The following USH2A variants were observed in gnomAD, a reference collection of about 807,000 sequenced individuals.
USH2A encodes the protein usherin, also known as Usher syndrome 2A (autosomal recessive, mild).
Under a neutral mutation model 538.9 loss-of-function variants are expected in USH2A, and 443 were observed. The ratio of observed to expected loss-of-function variants is 0.82; its 90% CI spans 0.76 to 0.89. The LOEUF (loss-of-function observed/expected upper bound fraction) is 0.89, where lower values mean the gene tolerates loss of function less well. USH2A is among the 40% of genes least tolerant of loss of function. The pLI is 0.00. For missense variants in USH2A, 6,633 were observed against 6,324.8 expected (o/e 1.05, Z -1.65); for synonymous variants, 2,413 against 2,273.5 (o/e 1.06, Z -1.75).
At chr1:216,213,592 A>G (rs1392122193) in intron 15 of USH2A, among the ~76,000 whole-genome samples, 4 of 152,094 alleles carry the variant, frequency 2.6e-5, no homozygotes, top group Non-Finnish European at 5.9e-5. Flanking sequence ...ACTAATTCAA[A>G]TTATTTCATG....
At chr1:216,339,763 A>G (rs191392596) in intron 4 of USH2A, among the ~76,000 whole-genome samples, 58 of 152,184 alleles carry the variant, frequency 3.8e-4, no homozygotes, top group Non-Finnish European at 3.8e-4. Context: ...TAAAGCAGAC[A>G]TCAAGAAGTT....
chr1:216,275,247 T>C (rs1427336980), intron 11 of USH2A, among the ~76,000 whole-genome samples: 1 of 152,052 alleles, frequency 6.6e-6, no homozygotes, highest in African/African-American at 2.4e-5. Flanking sequence ...AATTAGAGCA[T>C]TTCATAAATG....
At chr1:216,215,067 A>G (rs1038156489) in intron 15 of USH2A, among the ~76,000 whole-genome samples, 5 of 152,254 alleles carry the variant, frequency 3.3e-5, no homozygotes, top group Admixed American at 6.5e-5. Context: ...GAAATTTACT[A>G]TAAGAAAAGG....
chr1:216,095,142 C>A (rs2032408376), intron 22 of USH2A, among the ~76,000 whole-genome samples: 2 of 152,094 alleles, frequency 1.3e-5, no homozygotes, highest in African/African-American at 4.8e-5. Flanking sequence ...CCTCTTAAAT[C>A]AGATATTCTC....
chr1:215,852,741 C>T lies in USH2A; in HGVS notation c.8846-6708G>A, dbSNP rs114886599. Among the ~76,000 whole-genome samples, 1,355 of 152,298 alleles carry T rather than the reference C, an allele frequency of 8.9e-3. 17 individuals are homozygous for T. The highest frequency in any genetic ancestry group is 0.031 in the African/African-American group (1,286 of 41,570). On this transcript the variant is annotated intron_variant, in intron 44 of 71. Coordinates refer to ENST00000307340, the MANE Select transcript of USH2A (RefSeq NM_206933.4). ...AAAACAAAAGGGCTACAGGCCCCAACGCAAGTCCAAAATCAAGCAGGGAAG... is the reference window on the plus strand; with the variant it reads ...AAAACAAAAGGGCTACAGGCCCCAATGCAAGTCCAAAATCAAGCAGGGAAG...
chr1:216,382,098 G>C (rs1450721197), intron 3 of USH2A, among the ~76,000 whole-genome samples: 2 of 152,146 alleles, frequency 1.3e-5, no homozygotes, highest in Non-Finnish European at 2.9e-5. Flanking sequence ...TTTGTTTATT[G>C]AGAATGGATC....
chr1:216,206,530 AG>A (rs1207298819), intron 16 of USH2A, among the ~76,000 whole-genome samples: 1 of 152,202 alleles, frequency 6.6e-6, no homozygotes, highest in Non-Finnish European at 1.5e-5. Flanking sequence ...GGGCTCAGGC[AG>A]TAATGTCGCC....
Position 215,798,937 on chromosome 1 carries a change from C to T in USH2A, c.9928G>A (p.Glu3310Lys), listed in dbSNP as rs1368638409. The part of the protein sequence containing the change: ...VSNDLECCGG[E>K]EGVVYNRLPG... ...AGGCGATTGTACACCACTCCTTCTTCTCCACCACAACACTCTAAATCGTTG... is the reference window on the plus strand; with the variant it reads ...AGGCGATTGTACACCACTCCTTCTTTTCCACCACAACACTCTAAATCGTTG... Residue 3310 changes from glutamate to lysine, a missense_variant, in exon 50 of 72, where the codon GAA becomes AAA. Coordinates refer to ENST00000307340, the MANE Select transcript of USH2A (RefSeq NM_206933.4). 3 of 1,614,064 alleles carry T rather than the reference C, an allele frequency of 1.9e-6. No homozygotes were observed. Among genetic ancestry groups the T allele is most frequent in the African/African-American group, 2.7e-5 (2 of 75,048 alleles).
chr1:215,757,129 A>T (rs1660837342), intron 58 of USH2A, among the ~76,000 whole-genome samples: 1 of 152,204 alleles, frequency 6.6e-6, no homozygotes, highest in South Asian at 2.1e-4. Flanking sequence ...GCATTCTGCC[A>T]CTACTAATTA....
intron 38 of USH2A, among the ~76,000 whole-genome samples, chr1:215,919,792 A>G (rs1666050218): frequency 2.6e-5 from 4 of 152,086 alleles, no homozygotes; most frequent in Admixed American, 2.0e-4. Flanking sequence ...GTCTAACAAC[A>G]TAAGAAATTT....
intron 21 of USH2A, among the ~76,000 whole-genome samples, chr1:216,172,952 G>T (rs1483719517): frequency 6.6e-6 from 1 of 152,062 alleles, no homozygotes; most frequent in African/African-American, 2.4e-5. Flanking sequence ...AATTTGGAAG[G>T]CTCCAATTCA....
intron 8 of USH2A, among the ~76,000 whole-genome samples, chr1:216,322,444 A>T (rs2037634328): frequency 6.6e-6 from 1 of 151,846 alleles, no homozygotes; most frequent in South Asian, 2.1e-4. Flanking sequence ...CTCTACAAAA[A>T]GTGAAAAAAA....
At position 215,778,171 on chromosome 1, in the gene USH2A, C is replaced by G. The variant is rs141365483; in HGVS notation, c.10939+1672G>C. On this transcript the variant is annotated intron_variant, in intron 55 of 71. Transcript: ENST00000307340. Reference sequence around the variant, plus strand: ...GGTTGGAGTGATTCCCCTACCTCAGCCTCCAGAGTAGCTGGGATTACAGAT... The same window carrying G: ...GGTTGGAGTGATTCCCCTACCTCAGGCTCCAGAGTAGCTGGGATTACAGAT... 7.4e-3 allele frequency among the ~76,000 whole-genome samples: 1,119 copies of G among 152,052 alleles called. 9 individuals are homozygous for G. The highest frequency in any genetic ancestry group is 0.013 in the Non-Finnish European group (851 of 67,982).
chr1:216,273,904 AT>A (rs1419202611), intron 11 of USH2A, among the ~76,000 whole-genome samples: 1 of 151,994 alleles, frequency 6.6e-6, no homozygotes, highest in East Asian at 1.9e-4. Context: ...ATACCAAAAA[AT>A]TTTGAATATA....
intron 61 of USH2A, 50 bp downstream of exon 61, chr1:215,727,980 C>T (rs768178156): frequency 1.6e-4 from 250 of 1,574,238 alleles, no homozygotes; most frequent in Middle Eastern, 6.7e-4. Context: ...TTAATTTCAA[C>T]GTATTCACCA....
intron 14 of USH2A, among the ~76,000 whole-genome samples, chr1:216,231,070 A>G (rs571341898): frequency 1.5e-4 from 23 of 150,634 alleles, no homozygotes; most frequent in Admixed American, 2.7e-4. Context: ...AATATACTTT[A>G]CATACTGAAA....
At position 215,625,743 on chromosome 1, in the gene USH2A, C is replaced by T. The variant is rs779586584; in HGVS notation, c.*38G>A. 3.9e-5 allele frequency: 62 copies of T among 1,598,680 alleles called. No individual in the cohort carries two copies. The highest frequency in any genetic ancestry group is 2.5e-5 in the Non-Finnish European group (29 of 1,166,236). On this transcript the variant is annotated 3_prime_UTR_variant, in exon 72 of 72. Coordinates refer to ENST00000307340, the MANE Select transcript of USH2A (RefSeq NM_206933.4). ...AACCCAGGAGGAAATGGGTGCAGAC[C>T]TTGCATTCCAGGGTTACGTCTTCTG...
chr1:216,398,278 C>T (rs949497497), intron 3 of USH2A, among the ~76,000 whole-genome samples: 1 of 151,816 alleles, frequency 6.6e-6, no homozygotes, highest in East Asian at 1.9e-4. Context: ...GATGACTTTG[C>T]GAAGTAGGTA....
intron 11 of USH2A, among the ~76,000 whole-genome samples, chr1:216,281,765 T>C (rs1512581): frequency 0.77 from 117,455 of 151,756 alleles, 45,428 homozygotes; most frequent in East Asian, 0.8. Context: ...TGAGAAACAC[T>C]AAGCCATTTT....
Sources: allele counts gnomAD v4.1 joint callset (sites outside exome capture counted in the v4.1 genomes callset), GRCh38; gene constraint gnomAD v4.1.1; transcripts MANE v1.5; gene names NCBI Gene and HGNC (gene_info 2026-07-23, HGNC 2026-07-21).